Variants in BBS9 observed in about 807,000 individuals in gnomAD.
BBS9 encodes the protein Bardet-Biedl syndrome 9, also known as protein PTHB1.
BBS9 carries 89 observed loss-of-function variants against 117.7 expected under a neutral mutation model. That is an observed-to-expected ratio of 0.76 (90% CI 0.64 to 0.90). The LOEUF (loss-of-function observed/expected upper bound fraction) is 0.90. Ranked by LOEUF, BBS9 falls within the 40% of genes least tolerant of loss-of-function variation. The pLI is 0.00. For synonymous variants in BBS9, 379 were observed against 370.9 expected, an observed-to-expected ratio of 1.02 and a Z score of -0.25; for missense variants, 982 against 1,042.2, an observed-to-expected ratio of 0.94 and a Z score of 0.80.
rs376910921 is a variant in BBS9 at position 33,584,428 on chromosome 7, T to G, written c.2522-20437T>G. On this transcript the variant is annotated intron_variant, in intron 21 of 22. Coordinates refer to ENST00000242067, the MANE Select transcript of BBS9 (RefSeq NM_198428.3). Reference sequence around the variant, plus strand: ...CTAATGCTAACGTGAATATTTTGTCTGCTTTACTTATAAATTTTATGTTGC... The same window carrying G: ...CTAATGCTAACGTGAATATTTTGTCGGCTTTACTTATAAATTTTATGTTGC... Among the ~76,000 whole-genome samples the G allele has an allele frequency of 3.0e-4, 45 of 152,240 alleles. No individual in the cohort carries two copies. The East Asian group carries it at 7.9e-3, about 27-fold the overall frequency.
At chr7:33,396,969 A>T (rs983239108) in intron 19 of BBS9, among the ~76,000 whole-genome samples, 3 of 152,142 alleles carry the variant, frequency 2.0e-5, no homozygotes, top group Non-Finnish European at 2.9e-5. Flanking sequence ...TTGAAACTGG[A>T]CCTCTTCCTT....
chr7:33,336,286 C>T (rs1815340129), intron 9 of BBS9, among the ~76,000 whole-genome samples, 155 bp from the exon 10 acceptor site: 1 of 152,036 alleles, frequency 6.6e-6, no homozygotes, highest in Non-Finnish European at 1.5e-5. Flanking sequence ...GTGTTTGAAA[C>T]ATTTGAATTG....
intron 9 of BBS9, among the ~76,000 whole-genome samples, chr7:33,298,644 A>G (rs989305493): frequency 2.0e-5 from 3 of 152,194 alleles, no homozygotes; most frequent in African/African-American, 4.8e-5. Context: ...AATGTTATGT[A>G]ATGGGCCACT....
chr7:33,285,483 A>T (rs77360549), intron 9 of BBS9, among the ~76,000 whole-genome samples: 349 of 152,314 alleles, frequency 2.3e-3, no homozygotes, highest in African/African-American at 8.2e-3. Flanking sequence ...TGGACAAATT[A>T]TGTCAATCTC....
intron 21 of BBS9, among the ~76,000 whole-genome samples, chr7:33,603,639 G>A (rs965473963): frequency 3.3e-5 from 5 of 152,144 alleles, no homozygotes; most frequent in African/African-American, 1.2e-4. Context: ...GTGATCTACA[G>A]GCTTTGGAGA....
intron 19 of BBS9, among the ~76,000 whole-genome samples, chr7:33,452,962 A>C (rs1055022034): frequency 6.6e-6 from 1 of 152,234 alleles, no homozygotes; most frequent in African/African-American, 2.4e-5. Flanking sequence ...CATCAAGAAA[A>C]GATTAAGTTA....
chr7:33,130,362 G>C (rs1789391493), intron 1 of BBS9, among the ~76,000 whole-genome samples: 1 of 152,138 alleles, frequency 6.6e-6, no homozygotes. Flanking sequence ...ACTGAAGTAG[G>C]ATGCATGTAC....
intron 21 of BBS9, among the ~76,000 whole-genome samples, chr7:33,546,945 T>C (rs1275290067): frequency 6.6e-6 from 1 of 152,222 alleles, no homozygotes; most frequent in African/African-American, 2.4e-5. Context: ...TTCTTCTTTA[T>C]GACCTCAATA....
At chr7:33,439,155 T>C (rs1056470063) in intron 19 of BBS9, among the ~76,000 whole-genome samples, 2 of 152,192 alleles carry the variant, frequency 1.3e-5, no homozygotes, top group Admixed American at 1.3e-4. Context: ...CTAGTTTTTT[T>C]CCCTGGGCCA....
At chr7:33,270,445 A>G (rs191595134) in intron 7 of BBS9, among the ~76,000 whole-genome samples, 3 of 152,328 alleles carry the variant, frequency 2.0e-5, no homozygotes, top group Admixed American at 1.3e-4. Context: ...TCAAAATCCA[A>G]TCCAAGAAAT....
chr7:33,288,428 A>G (rs1030774023), intron 9 of BBS9, among the ~76,000 whole-genome samples: 12 of 152,170 alleles, frequency 7.9e-5, no homozygotes, highest in Admixed American at 3.3e-4. Flanking sequence ...AATCAAGTAG[A>G]AGATGACAAA....
chr7:33,264,846 T>C (rs1798548518), intron 7 of BBS9, among the ~76,000 whole-genome samples: 1 of 152,192 alleles, frequency 6.6e-6, no homozygotes, highest in Non-Finnish European at 1.5e-5. Flanking sequence ...AATATTTAGT[T>C]TGCATAAAAT....
intron 20 of BBS9, among the ~76,000 whole-genome samples, chr7:33,528,231 A>G (rs1014128896): frequency 3.9e-5 from 6 of 152,192 alleles, no homozygotes; most frequent in Admixed American, 1.3e-4. Context: ...TCATATATGC[A>G]ATGCAACATG....
chr7:33,350,134 T>A (rs1341631733), intron 13 of BBS9, among the ~76,000 whole-genome samples: 1 of 152,234 alleles, frequency 6.6e-6, no homozygotes, highest in Non-Finnish European at 1.5e-5. Context: ...TAAGATAATC[T>A]GAACTACCTT....
chr7:33,448,069 G>C (rs1475986225), intron 19 of BBS9, among the ~76,000 whole-genome samples: 1 of 152,124 alleles, frequency 6.6e-6, no homozygotes, highest in Non-Finnish European at 1.5e-5. Flanking sequence ...CGCAGTTCTG[G>C]CCAGTAAGTT....
rs191802667 is a variant in BBS9, at chr7:33,430,843, G to A, written c.2115+42699G>A. 1.2e-4 allele frequency among the ~76,000 whole-genome samples: 18 copies of A among 152,288 alleles called. No homozygotes were observed. In the East Asian group the frequency reaches 3.5e-3, roughly 29 times the overall value. ...ACACTTGGGATTTGCAGTCTTCAAT[G>A]AATATGAAAAGAGTTGGCCGTAGGT... is the stretch of plus-strand genomic sequence containing the variant. On this transcript the variant is annotated intron_variant, in intron 19 of 22. Transcript: ENST00000242067.
chr7:33,425,465 C>T (rs1332263313), intron 19 of BBS9, among the ~76,000 whole-genome samples: 1 of 152,154 alleles, frequency 6.6e-6, no homozygotes, highest in African/African-American at 2.4e-5. Flanking sequence ...GTATTAAGCC[C>T]AGCATGCATT....
At chr7:33,239,217 A>T (rs1466029546) in intron 5 of BBS9, among the ~76,000 whole-genome samples, 12 of 152,084 alleles carry the variant, frequency 7.9e-5, no homozygotes, top group Admixed American at 7.9e-4. Context: ...ATAATAATAA[A>T]AAATATATTG....
chr7:33,201,807 T>C (rs1054841599), intron 5 of BBS9, among the ~76,000 whole-genome samples: 5 of 152,198 alleles, frequency 3.3e-5, no homozygotes, highest in African/African-American at 1.2e-4. Flanking sequence ...ATGTAATGTT[T>C]CTAGAAAATA....
Sources: gnomAD v4.1 joint callset for allele counts (sites outside exome capture counted in the v4.1 genomes callset) on GRCh38, gnomAD v4.1.1 for gene constraint, MANE v1.5 for transcripts, NCBI Gene and HGNC (gene_info 2026-07-23, HGNC 2026-07-21) for gene names.